The following LPAR5 variants were observed in gnomAD, a reference collection of about 807,000 sequenced individuals.
LPAR5 encodes the protein lysophosphatidic acid receptor 5, also known as G protein-coupled receptor 92.
For missense variants in LPAR5, 544 were observed against 521.8 expected (o/e 1.04, Z -0.41); for synonymous variants, 271 against 261.6 (o/e 1.04, Z -0.35).
intron 1 of LPAR5, among the ~76,000 whole-genome samples, chr12:6,622,561 CAACATGGCA>C (rs1449367985): frequency 6.8e-6 from 1 of 146,398 alleles, no homozygotes; most frequent in Non-Finnish European, 1.5e-5. Context: ...CCATCCTGGC[CAACATGGCA>C]AAATCCTGTC....
chr12:6,633,239 C>T (rs1448276242), intron 1 of LPAR5, among the ~76,000 whole-genome samples: 1 of 152,218 alleles, frequency 6.6e-6, no homozygotes, highest in African/African-American at 2.4e-5. Flanking sequence ...GCCCAGCCCC[C>T]TGACCTGTGT....
chr12:6,633,729 T>A (rs1948994883), intron 1 of LPAR5, among the ~76,000 whole-genome samples: 1 of 152,072 alleles, frequency 6.6e-6, no homozygotes, highest in East Asian at 2.0e-4. Context: ...CTGGGCTTTT[T>A]AAAATGCCCC....
In LPAR5 at chr12:6,620,210, C is replaced by T; in HGVS notation, c.1039G>A (p.Ala347Thr). ...VTTDATRPDA[A>T]SQGLLRPSDS... ...GAGGGTCGGAGCAGCCCCTGACTGGCGGCATCCGGCCTGGTGGCGTCGGTG... is the reference window on the plus strand; with the variant it reads ...GAGGGTCGGAGCAGCCCCTGACTGGTGGCATCCGGCCTGGTGGCGTCGGTG... The change falls in exon 2 of 2, where the codon GCC becomes ACC. Residue 347 changes from alanine (A) to threonine (T), a missense_variant. By Grantham distance (58) the Ala-to-Thr change is moderately conservative. Coordinates refer to ENST00000329858, the MANE Select transcript of LPAR5 (RefSeq NM_020400.6). This position sits in a 1 kb window ranked among gnomAD's most constrained non-coding sequence, Gnocchi z 6.8. 1.9e-6 allele frequency: 3 copies of T among 1,612,726 alleles called. No homozygotes were observed. Among genetic ancestry groups the T allele is most frequent in the Non-Finnish European group, 2.5e-6 (3 of 1,179,358 alleles).
At chr12:6,627,271 AAC>A (rs1029166751) in intron 1 of LPAR5, among the ~76,000 whole-genome samples, 2 of 151,278 alleles carry the variant, frequency 1.3e-5, no homozygotes, top group Non-Finnish European at 2.9e-5. Context: ...CAGTTTGGGC[AAC>A]AGAGTGAGAC....
At chr12:6,631,125 G>C (rs1948978357) in intron 1 of LPAR5, among the ~76,000 whole-genome samples, 1 of 152,194 alleles carries the variant, frequency 6.6e-6, no homozygotes, top group African/African-American at 2.4e-5. Context: ...CAGGAAGGAG[G>C]GACATGGAGG....
rs1342572117 is a variant in LPAR5 at position 6,621,320 on chromosome 12, C to T, written c.-72G>A. The stretch of plus-strand genomic sequence containing the variant: ...CACCAGAATCATGGCATGGCATTCA[C>T]CTCCGGGGCTGGGGCCTAGAGGCTG... On this transcript the variant is annotated 5_prime_UTR_variant, in exon 2 of 2. The change creates a new upstream start codon in the 5' untranslated region. Coordinates refer to ENST00000329858, the MANE Select transcript of LPAR5 (RefSeq NM_020400.6). 1.4e-6 allele frequency: 2 copies of T among 1,392,428 alleles called. No homozygotes were observed. Among genetic ancestry groups the T allele is most frequent in the Admixed American group, 3.2e-5 (1 of 31,530 alleles). The allele number at this position is 1,392,428 out of a possible 1,614,324, so 86.3% of individuals were successfully genotyped here.
chr12:6,628,432 G>GTCTT (rs200003318), intron 1 of LPAR5, among the ~76,000 whole-genome samples: 7,756 of 151,856 alleles, frequency 0.051, 417 homozygotes, highest in East Asian at 0.27. Flanking sequence ...CCTCAAGTCT[G>GTCTT]TCTTTCTTTC....
intron 1 of LPAR5, among the ~76,000 whole-genome samples, chr12:6,632,116 C>T (rs1033238930): frequency 3.3e-5 from 5 of 152,284 alleles, no homozygotes; most frequent in East Asian, 1.9e-4. Context: ...GGATTACAGG[C>T]GCACACCACC....
At position 6,620,556 on chromosome 12, in the gene LPAR5, C is replaced by G; in HGVS notation, c.693G>C (p.Lys231Asn). The change falls in exon 2 of 2, where the codon AAG (lysine) becomes AAC (asparagine). Residue 231 changes from lysine to asparagine, a missense_variant. Transcript: ENST00000329858. This position sits in a 1 kb window ranked among gnomAD's most constrained non-coding sequence, Gnocchi z 6.8. Reference protein sequence around the residue: ...PDATQSQRRRKTVRLLLANLV... With the variant: ...PDATQSQRRRNTVRLLLANLV... Reference sequence around the variant, plus strand: ...GGTTAGCCAGCAGGAGGCGCACGGTCTTCCGCCGCCGCTGGCTCTGCGTGG... The same window carrying G: ...GGTTAGCCAGCAGGAGGCGCACGGTGTTCCGCCGCCGCTGGCTCTGCGTGG... The G allele has an allele frequency of 6.4e-7, 1 of 1,557,450 alleles. No homozygotes were observed. The highest frequency in any genetic ancestry group is 8.7e-7 in the Non-Finnish European group (1 of 1,151,108).
chr12:6,629,480 C>T (rs1948968220), intron 1 of LPAR5, among the ~76,000 whole-genome samples: 1 of 151,068 alleles, frequency 6.6e-6, no homozygotes, highest in African/African-American at 2.4e-5. Flanking sequence ...CAAGACCATC[C>T]TAGCTAACAT....
chr12:6,627,730 C>T (rs989960448), intron 1 of LPAR5, among the ~76,000 whole-genome samples: 6 of 152,188 alleles, frequency 3.9e-5, no homozygotes, highest in Admixed American at 2.0e-4. Flanking sequence ...AGGGTGGGAG[C>T]GCACCTTGCA....
Position 6,621,141 on chromosome 12 carries a change from C to T in LPAR5, c.108G>A (p.Gly36=). The change falls in exon 2 of 2, where the codon GGG becomes GGA. Residue 36 remains glycine, a synonymous_variant. Transcript: ENST00000329858. Reference sequence around the variant, plus strand: ...AGAGGGCTAGCGCGTTGAGGGGGAGCCCGGCAGCCAGCACCAAGCTGTAGA... The same window carrying T: ...AGAGGGCTAGCGCGTTGAGGGGGAGTCCGGCAGCCAGCACCAAGCTGTAGA... The part of the protein sequence containing the change: ...LVVYSLVLAA[G]LPLNALALWV... The T allele has an allele frequency of 6.3e-7, 1 of 1,598,378 alleles. No homozygotes were observed. Among genetic ancestry groups the T allele is most frequent in the Non-Finnish European group, 8.5e-7 (1 of 1,172,126 alleles).
In LPAR5 at chr12:6,619,646, G is replaced by A; in HGVS notation, c.*484C>T. 3.1e-6 allele frequency: 1 copy of A among 322,198 alleles called. No homozygotes were observed. The highest frequency in any genetic ancestry group is 6.2e-6 in the Non-Finnish European group (1 of 161,858). The allele number at this position is 322,198 out of a possible 1,614,324, so 20.0% of individuals were successfully genotyped here. A position where few individuals can be genotyped will look rare whatever the true frequency, so the allele number is the denominator to read the frequency against. On this transcript the variant is annotated 3_prime_UTR_variant, in exon 2 of 2. Coordinates refer to ENST00000329858, the MANE Select transcript of LPAR5 (RefSeq NM_020400.6). The stretch of plus-strand genomic sequence containing the variant: ...TATTAGGCCTCAGTGGTGAGCAGGG[G>A]AAGCCTAGGCCGAAATGAAAGGGGG...
At chr12:6,634,014 AT>A (rs1004232808) in intron 1 of LPAR5, among the ~76,000 whole-genome samples, 80 of 149,064 alleles carry the variant, frequency 5.4e-4, no homozygotes, top group African/African-American at 1.7e-3. Flanking sequence ...TACAAAAAAT[AT>A]TTTTTTTTTG....
At chr12:6,622,652 G>A (rs10774439) in intron 1 of LPAR5, among the ~76,000 whole-genome samples, 100,488 of 151,012 alleles carry the variant, frequency 0.67, 37,386 homozygotes, top group Non-Finnish European at 0.83. Context: ...TCAGGAGGCT[G>A]AGGCAGGGAG....
chr12:6,622,879 G>A (rs1592297882), intron 1 of LPAR5, among the ~76,000 whole-genome samples: 1 of 152,174 alleles, frequency 6.6e-6, no homozygotes, highest in Non-Finnish European at 1.5e-5. Flanking sequence ...CTGCAGTGCA[G>A]TGAGCCTCAA....
chr12:6,633,537 C>G (rs541991092), intron 1 of LPAR5, among the ~76,000 whole-genome samples: 3 of 152,056 alleles, frequency 2.0e-5, no homozygotes. Flanking sequence ...CTCAGTCTCC[C>G]GAGTAGCTGA....
Position 6,625,420 on chromosome 12 carries a change from CAA to C in LPAR5, c.-216-3958_-216-3957del, listed in dbSNP as rs34197416. Among the ~76,000 whole-genome samples the C allele has an allele frequency of 2.3e-3, 270 of 115,336 alleles. 3 individuals are homozygous for C. Among genetic ancestry groups the C allele is most frequent in the Middle Eastern group, 0.011 (2 of 190 alleles). The allele number at this position is 115,336 out of a possible 152,430, so 75.7% of individuals were successfully genotyped here. ...AGCCTGGGCAACAGAGACTCCGTCT[CAA>C]AAAAAAAAAAAAAAGAGGGCCGGGC... On this transcript the variant is annotated intron_variant, in intron 1 of 1. Transcript: ENST00000329858.
chr12:6,620,316 C>T lies in LPAR5; in HGVS notation c.933G>A (p.Leu311=), dbSNP rs372067792. ...AEGFRNTLRG[L]GTPHRARTSA... ...AGGTCCTGGCCCGGTGCGGAGTGCC[C>T]AGGCCGCGCAGGGTGTTGCGGAAGC... Residue 311 remains leucine (L), a synonymous_variant, in exon 2 of 2, where the codon CTG becomes CTA. Coordinates refer to ENST00000329858, the MANE Select transcript of LPAR5 (RefSeq NM_020400.6). The surrounding 1 kb of genome is among the most constrained non-coding windows in gnomAD (Gnocchi z 6.8). 2 of 1,607,614 alleles carry T rather than the reference C, an allele frequency of 1.2e-6. No homozygotes were observed. The highest frequency in any genetic ancestry group is 2.7e-5 in the African/African-American group (2 of 74,950).
Sources: allele counts gnomAD v4.1 joint callset (sites outside exome capture counted in the v4.1 genomes callset), GRCh38; gene constraint gnomAD v4.1.1; non-coding constraint Gnocchi (gnomAD v3.1); transcripts MANE v1.5; gene names NCBI Gene and HGNC (gene_info 2026-07-23, HGNC 2026-07-21).